Variants in LRRC38 observed in about 807,000 individuals in gnomAD.
LRRC38 encodes the protein leucine-rich repeat-containing protein 38.
In LRRC38, 5 loss-of-function variants were observed where a neutral mutation model predicts 16.4. The ratio of observed to expected loss-of-function variants is 0.31; its 90% CI spans 0.16 to 0.64. The LOEUF (loss-of-function observed/expected upper bound fraction) is 0.64, where lower values mean the gene tolerates loss of function less well. Ranked by LOEUF, LRRC38 falls within the 30% of genes least tolerant of loss-of-function variation. The probability of loss-of-function intolerance (pLI) is 0.80; values close to 1 mark genes in which losing one functional copy is unlikely to be tolerated. For synonymous variants in LRRC38, 191 were observed against 190.2 expected (o/e 1.00, Z -0.04); for missense variants, 341 against 401.8 (o/e 0.85, Z 1.29).
chr1:13,501,172 T>C lies in LRRC38; in HGVS notation c.631+11791A>G, dbSNP rs534546834. Among the ~76,000 whole-genome samples the C allele has an allele frequency of 2.0e-5, 3 of 152,114 alleles. No homozygotes were observed. In the South Asian group the frequency reaches 6.2e-4, roughly 32 times the overall value. ...TAATATAGATATATATACGCATATATATTAGTATATACTAAATAGTATGTG... is the reference window on the plus strand; with the variant it reads ...TAATATAGATATATATACGCATATACATTAGTATATACTAAATAGTATGTG... On this transcript the variant is annotated intron_variant, in intron 1 of 1. Transcript: ENST00000376085.
intron 1 of LRRC38, among the ~76,000 whole-genome samples, chr1:13,486,689 C>A (rs1332481401): frequency 6.7e-6 from 1 of 150,078 alleles, no homozygotes; most frequent in Non-Finnish European, 1.5e-5. Context: ...CTCCTGGGTT[C>A]AACCGATCTT....
intron 1 of LRRC38, among the ~76,000 whole-genome samples, chr1:13,505,261 G>A (rs1428530685): frequency 6.6e-6 from 1 of 152,218 alleles, no homozygotes; most frequent in Admixed American, 6.5e-5. Flanking sequence ...CGCAGCTGGG[G>A]GCAGAGTAGC....
chr1:13,505,860 T>C (rs1639205995), intron 1 of LRRC38, among the ~76,000 whole-genome samples: 1 of 151,776 alleles, frequency 6.6e-6, no homozygotes, highest in Non-Finnish European at 1.5e-5. Flanking sequence ...CTTGGGCGTG[T>C]TCCGGGGACA....
intron 1 of LRRC38, among the ~76,000 whole-genome samples, chr1:13,494,179 C>T (rs963118987): frequency 2.6e-5 from 4 of 152,206 alleles, no homozygotes; most frequent in Non-Finnish European, 5.9e-5. Flanking sequence ...GAAACTCACA[C>T]ATACCCCTAG....
At chr1:13,512,605 G>A (rs1639285653) in intron 1 of LRRC38, among the ~76,000 whole-genome samples, 2 of 152,148 alleles carry the variant, frequency 1.3e-5, no homozygotes, top group South Asian at 4.1e-4. Context: ...GTTTCCCATA[G>A]AGTAGGCTGC....
In LRRC38 at chr1:13,475,949, G is replaced by A. The variant is rs372230880; in HGVS notation, c.782C>T (p.Ala261Val). The A allele has an allele frequency of 7.2e-5, 111 of 1,550,372 alleles. 1 individual carries two copies. Among genetic ancestry groups the A allele is most frequent in the East Asian group, 1.5e-4 (6 of 40,924 alleles). Residue 261 changes from alanine to valine, a missense_variant, in exon 2 of 2, where the codon GCG becomes GTG. Coordinates refer to ENST00000376085, the MANE Select transcript of LRRC38 (RefSeq NM_001010847.2). The surrounding 1 kb of genome is among the most constrained non-coding windows in gnomAD (Gnocchi z 4.3). Reference sequence around the variant, plus strand: ...CAGGAAGAAGCTGGAGATGATGGCCGCAATGGACACGGCCACACCGGAGAA... The same window carrying A: ...CAGGAAGAAGCTGGAGATGATGGCCACAATGGACACGGCCACACCGGAGAA... Reference protein sequence around the residue: ...IIFSGVAVSIAAIISSFFLAT... With the variant: ...IIFSGVAVSIVAIISSFFLAT...
At chr1:13,488,753 G>A (rs558699448) in intron 1 of LRRC38, among the ~76,000 whole-genome samples, 2 of 152,280 alleles carry the variant, frequency 1.3e-5, no homozygotes, top group South Asian at 4.1e-4. Context: ...GCTGAACATT[G>A]TATTACGTGC....
At chr1:13,501,919 C>T (rs1639155040) in intron 1 of LRRC38, among the ~76,000 whole-genome samples, 1 of 151,634 alleles carries the variant, frequency 6.6e-6, no homozygotes, top group Non-Finnish European at 1.5e-5. Flanking sequence ...CCTGCCGCCA[C>T]ACCTGGCTAA....
chr1:13,478,736 T>C (rs901925338), intron 1 of LRRC38, among the ~76,000 whole-genome samples: 2 of 152,200 alleles, frequency 1.3e-5, no homozygotes, highest in African/African-American at 4.8e-5. Context: ...GCCCTGCTAA[T>C]TACACAGCAA....
chr1:13,480,938 G>A (rs1216542894), intron 1 of LRRC38, among the ~76,000 whole-genome samples: 2 of 152,162 alleles, frequency 1.3e-5, no homozygotes, highest in African/African-American at 2.4e-5. Context: ...GATTAAAGGC[G>A]TGAGCCACCA....
chr1:13,495,021 T>C (rs1160902422), intron 1 of LRRC38, among the ~76,000 whole-genome samples: 1 of 152,184 alleles, frequency 6.6e-6, no homozygotes, highest in African/African-American at 2.4e-5. Flanking sequence ...AAGCTAAGTT[T>C]GGCTCAGCCT....
intron 1 of LRRC38, among the ~76,000 whole-genome samples, chr1:13,506,109 AG>A (rs1180679029): frequency 7.2e-5 from 11 of 152,190 alleles, no homozygotes; most frequent in Non-Finnish European, 2.9e-5. Flanking sequence ...CAGTGGTCAC[AG>A]GATAAGCACA....
chr1:13,484,687 A>C lies in LRRC38; in HGVS notation c.632-8588T>G, dbSNP rs146574157. Among the ~76,000 whole-genome samples the C allele has an allele frequency of 3.2e-3, 481 of 152,238 alleles. 2 individuals carry two copies. The highest frequency in any genetic ancestry group is 7.9e-3 in the Admixed American group (121 of 15,278). ...TGCTTTCCTCTCTTGGGAGGTGGAA[A>C]CTCTCATTGATCTTTGGAAACAGAC... On this transcript the variant is annotated intron_variant, in intron 1 of 1. Transcript: ENST00000376085.
chr1:13,477,551 A>G (rs1338079295), intron 1 of LRRC38, among the ~76,000 whole-genome samples: 1 of 152,140 alleles, frequency 6.6e-6, no homozygotes, highest in African/African-American at 2.4e-5. Context: ...AGAAGCTGGG[A>G]AAAAGGCCGG....
intron 1 of LRRC38, among the ~76,000 whole-genome samples, chr1:13,482,657 C>T (rs1638883960): frequency 6.6e-6 from 1 of 151,234 alleles, no homozygotes; most frequent in Non-Finnish European, 1.5e-5. Flanking sequence ...GCTTTGGGGG[C>T]TGGATCAGCA....
intron 1 of LRRC38, among the ~76,000 whole-genome samples, chr1:13,478,366 C>A (rs566598971): frequency 1.3e-5 from 2 of 152,318 alleles, no homozygotes; most frequent in East Asian, 3.9e-4. Flanking sequence ...GATGAGAAAA[C>A]TGAGAGCATG....
In LRRC38 at chr1:13,513,981, C is replaced by G. The variant is rs1478567434; in HGVS notation, c.-388G>C. 2.0e-5 allele frequency: 3 copies of G among 152,166 alleles called. No individual in the cohort carries two copies. Among genetic ancestry groups the G allele is most frequent in the Admixed American group, 6.5e-5 (1 of 15,284 alleles). 9.4% of individuals were successfully genotyped at this position (152,166 alleles called of 1,614,324 possible). A position where few individuals can be genotyped will look rare whatever the true frequency, so the allele number is the denominator to read the frequency against. ...TCTGGCAGTAAGACGCCGCGCGCAC[C>G]GGGCGGGCTGCACTCGACGTCTAAG... On this transcript the variant is annotated 5_prime_UTR_variant, in exon 1 of 2. Coordinates refer to ENST00000376085, the MANE Select transcript of LRRC38 (RefSeq NM_001010847.2).
chr1:13,479,743 C>A (rs189786848), intron 1 of LRRC38, among the ~76,000 whole-genome samples: 12 of 152,164 alleles, frequency 7.9e-5, no homozygotes, highest in African/African-American at 2.9e-4. Context: ...AAGAGTTGGA[C>A]GAAGAGAGTC....
At chr1:13,506,226 A>C (rs1213862989) in intron 1 of LRRC38, among the ~76,000 whole-genome samples, 1 of 152,038 alleles carries the variant, frequency 6.6e-6, no homozygotes, top group East Asian at 1.9e-4. Context: ...TAAAGAAGTC[A>C]AGGCAGGGAA....
Sources: gnomAD v4.1 joint callset for allele counts (sites outside exome capture counted in the v4.1 genomes callset) on GRCh38, gnomAD v4.1.1 for gene constraint, Gnocchi (gnomAD v3.1) non-coding constraint, MANE v1.5 for transcripts, NCBI Gene and HGNC (gene_info 2026-07-23, HGNC 2026-07-21) for gene names.